Variants in CCDC136 observed in about 807,000 individuals in gnomAD.
CCDC136 encodes the protein coiled-coil domain containing 136, also known as coiled-coil domain-containing protein 136.
In CCDC136, 100 loss-of-function variants were observed where a neutral mutation model predicts 141.2. The ratio of observed to expected loss-of-function variants is 0.71; its 90% CI spans 0.60 to 0.84. CCDC136 has a LOEUF of 0.84. Ranked by LOEUF, CCDC136 falls within the 40% of genes least tolerant of loss-of-function variation. The pLI, the probability that CCDC136 is intolerant of heterozygous loss-of-function variation, is 0.00. For synonymous variants in CCDC136, 474 were observed against 531.9 expected (o/e 0.89, Z 1.50); for missense variants, 1,206 against 1,379.4 (o/e 0.87, Z 1.99).
chr7:128,816,974 C>T (rs1806728867), intron 16 of CCDC136, among the ~76,000 whole-genome samples: 1 of 152,232 alleles, frequency 6.6e-6, no homozygotes, highest in South Asian at 2.1e-4. Context: ...GTCGGAACCA[C>T]TGCAGCCCCT....
intron 10 of CCDC136, chr7:128,808,603 A>G (rs1805227169): frequency 2.0e-6 from 2 of 985,312 alleles, no homozygotes; most frequent in Non-Finnish European, 1.2e-6. Context: ...GGAGTTGGTC[A>G]CATTCTGCCA....
rs374352686 is a variant in CCDC136 at position 128,807,554 on chromosome 7, C to T, written c.1605+9C>T. 1,814 of 1,374,648 alleles carry T rather than the reference C, an allele frequency of 1.3e-3. 2 individuals are homozygous for T. The highest frequency in any genetic ancestry group is 2.1e-3 in the Admixed American group (68 of 33,058). The allele number at this position is 1,374,648 out of a possible 1,614,324, so 85.2% of individuals were successfully genotyped here. The stretch of plus-strand genomic sequence containing the variant: ...GAAAGTGTGCTAATAAGGTAATTGT[C>T]GTTCAGAGAGGTGACAGCTCCTGGG... On this transcript the variant is annotated intron_variant, in intron 10 of 17. Transcript: ENST00000297788.
chr7:128,814,283 A>C (rs1806233261), intron 14 of CCDC136, among the ~76,000 whole-genome samples: 1 of 151,894 alleles, frequency 6.6e-6, no homozygotes. Context: ...ATGGGGTTTC[A>C]CCATGTTGGC....
At chr7:128,802,217 A>G (rs565564385) in intron 4 of CCDC136, among the ~76,000 whole-genome samples, 2 of 152,314 alleles carry the variant, frequency 1.3e-5, no homozygotes, top group South Asian at 4.1e-4. Flanking sequence ...CTGCTTTCAG[A>G]CAGTGAGTCT....
At chr7:128,815,034 A>G in intron 15 of CCDC136, 115 bp downstream of exon 15, 1 of 913,802 alleles carries the variant, frequency 1.1e-6, no homozygotes, top group Non-Finnish European at 1.6e-6. Context: ...AGCTTCTGGG[A>G]TCTCTGAAGT....
chr7:128,812,265 G>C lies in CCDC136; in HGVS notation c.2494G>C (p.Val832Leu), dbSNP rs779386042. The C allele has an allele frequency of 6.2e-7, 1 of 1,613,390 alleles. No individual in the cohort carries two copies. Among genetic ancestry groups the C allele is most frequent in the African/African-American group, 1.3e-5 (1 of 74,900 alleles). ...CTCTGACACCTGCCAGAAGAGTTTTGTCAGCAGCTGCACTGACGAGGAACC... is the reference window on the plus strand; with the variant it reads ...CTCTGACACCTGCCAGAAGAGTTTTCTCAGCAGCTGCACTGACGAGGAACC... Reference protein sequence around the residue: ...SSSDTCQKSFVSSCTDEEPAE... With the variant: ...SSSDTCQKSFLSSCTDEEPAE... Residue 832 changes from valine (V) to leucine (L), a missense_variant, in exon 13 of 18, where the codon GTC becomes CTC. By Grantham distance (32) the Val-to-Leu change is conservative. Coordinates refer to ENST00000297788, the MANE Select transcript of CCDC136 (RefSeq NM_022742.5).
In CCDC136 at chr7:128,794,108, A is replaced by G. The variant is rs146943746; in HGVS notation, c.17-240A>G. ...CAGCCTGCCCACAGGCAGTGATAGGAGGCTACCAAGTGCAACATTGGTCCA... is the reference window on the plus strand; with the variant it reads ...CAGCCTGCCCACAGGCAGTGATAGGGGGCTACCAAGTGCAACATTGGTCCA... On this transcript the variant is annotated intron_variant, in intron 1 of 17. Coordinates refer to ENST00000297788, the MANE Select transcript of CCDC136 (RefSeq NM_022742.5). The surrounding 1 kb of genome is among the most constrained non-coding windows in gnomAD (Gnocchi z 4.3). Among the ~76,000 whole-genome samples, 57 of 152,294 alleles carry G rather than the reference A, an allele frequency of 3.7e-4. No homozygotes were observed. Among genetic ancestry groups the G allele is most frequent in the African/African-American group, 1.3e-3 (55 of 41,548 alleles).
At chr7:128,792,558 T>C in intron 1 of CCDC136, 131 bp downstream of exon 1, 1 of 660,206 alleles carries the variant, frequency 1.5e-6, no homozygotes, top group Non-Finnish European at 2.6e-6. Flanking sequence ...CCCCTCTTCC[T>C]GCAGCTCAGA....
intron 14 of CCDC136, 118 bp downstream of exon 14, chr7:128,813,047 C>G: frequency 1.5e-6 from 1 of 689,030 alleles, no homozygotes; most frequent in African/African-American, 1.8e-5. Context: ...ACCTCAGAGG[C>G]TGGGCAGTCT....
Position 128,809,444 on chromosome 7 carries a change from C to T in CCDC136, c.1606-6C>T. Reference sequence around the variant, plus strand: ...CCACCCCCTCCACACCCGCCCCCACCCACAGTGTGACACACTGCTGTCCAG... The same window carrying T: ...CCACCCCCTCCACACCCGCCCCCACTCACAGTGTGACACACTGCTGTCCAG... On this transcript the variant is annotated splice_polypyrimidine_tract_variant and splice_region_variant and intron_variant, in intron 10 of 17. Coordinates refer to ENST00000297788, the MANE Select transcript of CCDC136 (RefSeq NM_022742.5). The T allele has an allele frequency of 6.5e-7, 1 of 1,536,766 alleles. No homozygotes were observed. The highest frequency in any genetic ancestry group is 8.8e-7 in the Non-Finnish European group (1 of 1,136,846).
At chr7:128,795,666 T>C (rs1802839566) in intron 3 of CCDC136, among the ~76,000 whole-genome samples, 1 of 151,946 alleles carries the variant, frequency 6.6e-6, no homozygotes. Flanking sequence ...AGTGTGGGCA[T>C]TGATCTGGGA....
rs1176651133 is a variant in CCDC136 at position 128,811,869 on chromosome 7, G to A, written c.2098G>A (p.Glu700Lys). Residue 700 changes from glutamate to lysine, a missense_variant, in exon 13 of 18, where the codon GAG (glutamate) becomes AAG (lysine). Glu to Lys is a moderately conservative substitution (Grantham distance 56). Coordinates refer to ENST00000297788, the MANE Select transcript of CCDC136 (RefSeq NM_022742.5). ...VMYDAGQAKQ[E>K]LLQQEQGRLL... ...GTATGACGCCGGTCAGGCGAAGCAGGAGCTCTTGCAGCAAGAGCAAGGGAG... is the reference window on the plus strand; with the variant it reads ...GTATGACGCCGGTCAGGCGAAGCAGAAGCTCTTGCAGCAAGAGCAAGGGAG... The A allele has an allele frequency of 1.2e-6, 2 of 1,612,450 alleles. No individual in the cohort carries two copies. The highest frequency in any genetic ancestry group is 2.2e-5 in the East Asian group (1 of 44,874).
rs59134762 is a variant in CCDC136, at chr7:128,792,928, A to G, written c.16+501A>G. On this transcript the variant is annotated intron_variant, in intron 1 of 17. Transcript: ENST00000297788. ...GGGCGCGTGAGGCCATCCTCCCAACACACGTGTATCCCCACCACACCCATG... is the reference window on the plus strand; with the variant it reads ...GGGCGCGTGAGGCCATCCTCCCAACGCACGTGTATCCCCACCACACCCATG... Among the ~76,000 whole-genome samples the G allele has an allele frequency of 7.1e-3, 1,076 of 152,248 alleles. 9 individuals carry two copies. The highest frequency in any genetic ancestry group is 0.026 in the East Asian group (135 of 5,174).
At chr7:128,792,594 C>T (rs1196996954) in intron 1 of CCDC136, among the ~76,000 whole-genome samples, 167 bp downstream of exon 1, 1 of 152,050 alleles carries the variant, frequency 6.6e-6, no homozygotes, top group East Asian at 1.9e-4. Context: ...AGGGCTCAGG[C>T]TTTGACAGAA....
At chr7:128,795,706 A>G (rs1802843790) in intron 3 of CCDC136, among the ~76,000 whole-genome samples, 1 of 152,116 alleles carries the variant, frequency 6.6e-6, no homozygotes, top group Admixed American at 6.6e-5. Flanking sequence ...CAGCTATACC[A>G]CTTAGAAATT....
At chr7:128,791,589 CCTT>C, upstream of CCDC136, 1 of 1,198,458 alleles carries the variant, frequency 8.3e-7, no homozygotes, top group African/African-American at 1.6e-5. This position sits in a 1 kb window ranked among gnomAD's most constrained non-coding sequence, Gnocchi z 7.1. Flanking sequence ...TACCGCCCCT[CCTT>C]TCTCTCCTCC....
Position 128,794,569 on chromosome 7 carries a change from G to C in CCDC136, c.238G>C (p.Gly80Arg), listed in dbSNP as rs1314057418. 1 of 1,557,208 alleles carries C rather than the reference G, an allele frequency of 6.4e-7. No individual in the cohort carries two copies. The highest frequency in any genetic ancestry group is 8.7e-7 in the Non-Finnish European group (1 of 1,150,424). ...AELEETRELA[G>R]QHEDDSLELQ... ...ACTGGAGGAGACCCGGGAACTGGCA[G>C]GGCAGCATGAGGATGACTCCTTGGA... Residue 80 changes from glycine to arginine, a missense_variant, in exon 2 of 18, where the codon GGG becomes CGG. By Grantham distance (125) the Gly-to-Arg change is moderately radical. Transcript: ENST00000297788. This position sits in a 1 kb window ranked among gnomAD's most constrained non-coding sequence, Gnocchi z 4.3.
Position 128,811,871 on chromosome 7 carries a change from G to T in CCDC136, c.2100G>T (p.Glu700Asp). Residue 700 changes from glutamate (E) to aspartate (D), a missense_variant, in exon 13 of 18, where the codon GAG becomes GAT. By Grantham distance (45) the Glu-to-Asp change is conservative. Transcript: ENST00000297788. ...ATGACGCCGGTCAGGCGAAGCAGGA[G>T]CTCTTGCAGCAAGAGCAAGGGAGGC... Reference protein sequence around the residue: ...VMYDAGQAKQELLQQEQGRLL... With the variant: ...VMYDAGQAKQDLLQQEQGRLL... 1 of 1,612,970 alleles carries T rather than the reference G, an allele frequency of 6.2e-7. No individual in the cohort carries two copies. The highest frequency in any genetic ancestry group is 8.5e-7 in the Non-Finnish European group (1 of 1,179,464).
At position 128,794,077 on chromosome 7, in the gene CCDC136, G is replaced by T. The variant is rs527415888; in HGVS notation, c.17-271G>T. ...CTGTGCAAGTGTCTCATGGCTGAGC[G>T]GGCACCAGCCTGCCCACAGGCAGTG... is the stretch of plus-strand genomic sequence containing the variant. On this transcript the variant is annotated intron_variant, in intron 1 of 17. Coordinates refer to ENST00000297788, the MANE Select transcript of CCDC136 (RefSeq NM_022742.5). This position sits in a 1 kb window ranked among gnomAD's most constrained non-coding sequence, Gnocchi z 4.3. Among the ~76,000 whole-genome samples the T allele has an allele frequency of 6.6e-6, 1 of 152,318 alleles. No individual in the cohort carries two copies. The highest frequency in any genetic ancestry group is 6.5e-5 in the Admixed American group (1 of 15,302).
Sources: allele counts gnomAD v4.1 joint callset (sites outside exome capture counted in the v4.1 genomes callset), GRCh38; gene constraint gnomAD v4.1.1; non-coding constraint Gnocchi (gnomAD v3.1); transcripts MANE v1.5; gene names NCBI Gene and HGNC (gene_info 2026-07-23, HGNC 2026-07-21).